The following SPTLC3 variants were observed in gnomAD, a reference collection of about 807,000 sequenced individuals.
SPTLC3 encodes serine palmitoyltransferase 3.
A neutral mutation model predicts 59.3 loss-of-function variants in SPTLC3; 36 were observed. That is an observed-to-expected ratio of 0.61 (90% CI 0.47 to 0.80). The LOEUF is 0.80. SPTLC3 is among the 30% of genes least tolerant of loss of function. The probability of loss-of-function intolerance (pLI) is 0.00; values close to 1 mark genes in which losing one functional copy is unlikely to be tolerated. For missense variants in SPTLC3, 625 were observed against 685.1 expected (o/e 0.91, Z 0.98); for synonymous variants, 257 against 240.8 (o/e 1.07, Z -0.62).
chr20:13,097,542 T>C (rs1033456247), intron 6 of SPTLC3, among the ~76,000 whole-genome samples: 4 of 152,172 alleles, frequency 2.6e-5, no homozygotes, highest in Non-Finnish European at 4.4e-5. Flanking sequence ...TCTCTTAGAA[T>C]TTCTCTATTC....
chr20:13,156,614 T>A (rs2038774370), intron 10 of SPTLC3, among the ~76,000 whole-genome samples: 1 of 152,230 alleles, frequency 6.6e-6, no homozygotes, highest in Non-Finnish European at 1.5e-5. Flanking sequence ...CCATACAGCA[T>A]TTGGCATGTT....
At position 13,038,045 on chromosome 20, in the gene SPTLC3, A is replaced by AATATATATATATATATATATATATATAT. The variant is rs74181398; in HGVS notation, c.118-10885_118-10884insTATATATATATATATATATATATATATA. Among the ~76,000 whole-genome samples the AATATATATATATATATATATATATATAT allele has an allele frequency of 2.4e-3, 330 of 139,256 alleles. 2 individuals are homozygous for AATATATATATATATATATATATATATAT. Among genetic ancestry groups the AATATATATATATATATATATATATATAT allele is most frequent in the African/African-American group, 4.3e-3 (157 of 36,380 alleles). The allele number at this position is 139,256 out of a possible 152,430, so 91.4% of individuals were successfully genotyped here. A position where few individuals can be genotyped will look rare whatever the true frequency, so the allele number is the denominator to read the frequency against. Reference sequence around the variant, plus strand: ...GCTGGAAAATACAGAGAAAATCATGAATATATATATATATAATATATCTTC... The same window carrying AATATATATATATATATATATATATATAT: ...GCTGGAAAATACAGAGAAAATCATGAATATATATATATATATATATATATATATATATATATATATATAATATATCTTC... On this transcript the variant is annotated intron_variant, in intron 1 of 11. Transcript: ENST00000399002.
chr20:13,082,556 T>C (rs887580275), intron 4 of SPTLC3, among the ~76,000 whole-genome samples: 1 of 139,552 alleles, frequency 7.2e-6, no homozygotes, highest in African/African-American at 2.6e-5. Context: ...CCCACTATTT[T>C]GTGTATTGTC....
chr20:13,082,275 A>G (rs555110568), intron 4 of SPTLC3, among the ~76,000 whole-genome samples: 13 of 152,312 alleles, frequency 8.5e-5, no homozygotes, highest in Non-Finnish European at 1.6e-4. Flanking sequence ...ATGACTTGCC[A>G]GTCAATGTTT....
At chr20:13,124,204 G>T (rs2037933179) in intron 8 of SPTLC3, among the ~76,000 whole-genome samples, 1 of 152,038 alleles carries the variant, frequency 6.6e-6, no homozygotes, top group African/African-American at 2.4e-5. Flanking sequence ...GGATGCCAGG[G>T]ACTAGCCTTA....
At chr20:13,012,551 A>T (rs1432001844) in intron 1 of SPTLC3, among the ~76,000 whole-genome samples, 2 of 152,238 alleles carry the variant, frequency 1.3e-5, no homozygotes, top group Non-Finnish European at 2.9e-5. Flanking sequence ...CTTGAGTACA[A>T]ATGAGTGGTA....
Position 13,009,442 on chromosome 20 carries a change from T to C in SPTLC3, c.117+58T>C. The C allele has an allele frequency of 2.7e-6, 4 of 1,466,136 alleles. No individual in the cohort carries two copies. In the South Asian group the frequency reaches 4.7e-5, roughly 17 times the overall value. 90.8% of individuals were successfully genotyped at this position (1,466,136 alleles called of 1,614,324 possible). ...TTACCTGAACGTTTCAATATTTCTC[T>C]GTGAAGATATTTGAGGCTGTCCTAA... On this transcript the variant is annotated intron_variant, in intron 1 of 11. Coordinates refer to ENST00000399002, the MANE Select transcript of SPTLC3 (RefSeq NM_018327.4).
chr20:13,056,188 C>A (rs1987716525), intron 2 of SPTLC3, among the ~76,000 whole-genome samples: 1 of 152,190 alleles, frequency 6.6e-6, no homozygotes, highest in Admixed American at 6.5e-5. Flanking sequence ...AAATGCATTG[C>A]ATTAAATAAA....
intron 4 of SPTLC3, among the ~76,000 whole-genome samples, chr20:13,082,179 G>C (rs1386763963): frequency 6.6e-6 from 1 of 152,142 alleles, no homozygotes; most frequent in Non-Finnish European, 1.5e-5. Flanking sequence ...GAAACTCATA[G>C]AATTTCAGAA....
chr20:13,074,146 A>C (rs1988553050), intron 3 of SPTLC3: 2 of 750,048 alleles, frequency 2.7e-6, no homozygotes, highest in Non-Finnish European at 4.8e-6. Context: ...GGGGGTCTGG[A>C]TCCTCCGAGG....
intron 8 of SPTLC3, among the ~76,000 whole-genome samples, chr20:13,126,206 C>T (rs1225108575): frequency 6.6e-6 from 1 of 152,158 alleles, no homozygotes; most frequent in African/African-American, 2.4e-5. Context: ...TGGGCACAAT[C>T]ATATGTAATA....
chr20:13,037,201 A>G lies in SPTLC3; in HGVS notation c.118-11744A>G, dbSNP rs148204296. On this transcript the variant is annotated intron_variant, in intron 1 of 11. Transcript: ENST00000399002. The stretch of plus-strand genomic sequence containing the variant: ...TAAAGCCTTTCTCAGAAGTCACCCA[A>G]TGGACGTTCCCTCACTTCCCATTGG... 1.2e-4 allele frequency among the ~76,000 whole-genome samples: 18 copies of G among 152,234 alleles called. No homozygotes were observed. In the East Asian group the frequency reaches 2.7e-3, roughly 23 times the overall value.
At position 13,033,185 on chromosome 20, in the gene SPTLC3, A is replaced by G. The variant is rs1331308500; in HGVS notation, c.118-15760A>G. ...AGACTTCCACCAAACCCTTCTAAGCAAAGGTTAGAAAGGAAAGAATTTAAC... is the reference window on the plus strand; with the variant it reads ...AGACTTCCACCAAACCCTTCTAAGCGAAGGTTAGAAAGGAAAGAATTTAAC... On this transcript the variant is annotated intron_variant, in intron 1 of 11. Transcript: ENST00000399002. Among the ~76,000 whole-genome samples the G allele has an allele frequency of 2.0e-5, 3 of 152,178 alleles. No individual in the cohort carries two copies. In the East Asian group the frequency reaches 5.8e-4, roughly 29 times the overall value.
At chr20:13,051,525 G>A (rs1028705418) in intron 2 of SPTLC3, among the ~76,000 whole-genome samples, 3 of 152,152 alleles carry the variant, frequency 2.0e-5, no homozygotes, top group Non-Finnish European at 4.4e-5. Flanking sequence ...CACTAGACAG[G>A]TCATCAAGAG....
rs1339493010 is a variant in SPTLC3 at position 13,154,260 on chromosome 20, C to T, written c.1415+122C>T. On this transcript the variant is annotated intron_variant, in intron 10 of 11. Coordinates refer to ENST00000399002, the MANE Select transcript of SPTLC3 (RefSeq NM_018327.4). ...TGAGTGAGTTCAGAATTCACTCGTA[C>T]GGCTTCTCGGAAGCCACCTGTCACT... 2.1e-5 allele frequency: 27 copies of T among 1,280,164 alleles called. No homozygotes were observed. The East Asian group carries it at 3.2e-4, about 15-fold the overall frequency. The allele number at this position is 1,280,164 out of a possible 1,614,324, so 79.3% of individuals were successfully genotyped here. A position where few individuals can be genotyped will look rare whatever the true frequency, so the allele number is the denominator to read the frequency against.
chr20:13,156,974 G>A (rs1243289565), intron 10 of SPTLC3, among the ~76,000 whole-genome samples: 3 of 152,194 alleles, frequency 2.0e-5, no homozygotes, highest in East Asian at 1.9e-4. Flanking sequence ...TGGATAATAT[G>A]TCAAACAATC....
rs138989333 is a variant in SPTLC3, at chr20:13,048,288, A to G, written c.118-657A>G. Among the ~76,000 whole-genome samples the G allele has an allele frequency of 1.1e-3, 165 of 152,338 alleles. 1 individual carries two copies. The highest frequency in any genetic ancestry group is 3.9e-3 in the African/African-American group (162 of 41,578). On this transcript the variant is annotated intron_variant, in intron 1 of 11. Coordinates refer to ENST00000399002, the MANE Select transcript of SPTLC3 (RefSeq NM_018327.4). ...TTTTCACACAAAAATTAAAGAAAGA[A>G]AACAATTTGATGAAGGAACACACAC... is the stretch of plus-strand genomic sequence containing the variant.
chr20:13,106,351 A>G (rs1466750420), intron 6 of SPTLC3, among the ~76,000 whole-genome samples: 1 of 152,164 alleles, frequency 6.6e-6, no homozygotes, highest in Non-Finnish European at 1.5e-5. Flanking sequence ...TGGAAGAGAG[A>G]CATGAAAGCA....
At chr20:13,038,685 T>G (rs1306445400) in intron 1 of SPTLC3, among the ~76,000 whole-genome samples, 1 of 152,290 alleles carries the variant, frequency 6.6e-6, no homozygotes, top group East Asian at 1.9e-4. Context: ...GTTTTCTGTT[T>G]GCTTTAGCTT....
Sources: allele counts gnomAD v4.1 joint callset (sites outside exome capture counted in the v4.1 genomes callset), GRCh38; gene constraint gnomAD v4.1.1; transcripts MANE v1.5; gene names NCBI Gene and HGNC (gene_info 2026-07-23, HGNC 2026-07-21).